The following ABCC4 variants were observed in gnomAD, a reference collection of about 807,000 sequenced individuals.
ABCC4 encodes the protein ATP-binding cassette sub-family C member 4.
A neutral mutation model predicts 168.5 loss-of-function variants in ABCC4; 102 were observed. That is an observed-to-expected ratio of 0.61 (90% CI 0.52 to 0.71). The LOEUF (loss-of-function observed/expected upper bound fraction) is 0.71, where lower values mean the gene tolerates loss of function less well. Ranked by LOEUF, ABCC4 falls within the 30% of genes least tolerant of loss-of-function variation. ABCC4 has a pLI of 0.00. For synonymous variants in ABCC4, 617 were observed against 590.7 expected (o/e 1.04, Z -0.65); for missense variants, 1,402 against 1,605.8 (o/e 0.87, Z 2.17).
intron 29 of ABCC4, among the ~76,000 whole-genome samples, chr13:95,042,227 TC>T: frequency 6.6e-6 from 1 of 152,262 alleles, no homozygotes; most frequent in South Asian, 2.1e-4. Flanking sequence ...GATAGTCAGG[TC>T]CCAAACAGAG....
chr13:95,077,359 G>A (rs2033941772), intron 21 of ABCC4, among the ~76,000 whole-genome samples: 1 of 151,990 alleles, frequency 6.6e-6, no homozygotes, highest in Admixed American at 6.6e-5. Flanking sequence ...TTTTTTCTGA[G>A]ACAGGGTCTC....
chr13:95,228,902 A>C (rs2039543145), intron 4 of ABCC4, among the ~76,000 whole-genome samples: 1 of 152,064 alleles, frequency 6.6e-6, no homozygotes, highest in East Asian at 1.9e-4. Flanking sequence ...TCTTTAAAGA[A>C]AAAAAAAGGA....
chr13:95,157,601 T>G (rs142521884), intron 19 of ABCC4, among the ~76,000 whole-genome samples: 5 of 152,232 alleles, frequency 3.3e-5, no homozygotes, highest in Admixed American at 2.0e-4. Context: ...GGCAGCACAC[T>G]GGTTTGGCTC....
At chr13:95,279,794 G>A (rs2041066127) in intron 1 of ABCC4, among the ~76,000 whole-genome samples, 2 of 152,142 alleles carry the variant, frequency 1.3e-5, no homozygotes, top group Non-Finnish European at 2.9e-5. Context: ...GGCAGAAAGG[G>A]GATGGGGAAG....
intron 20 of ABCC4, among the ~76,000 whole-genome samples, chr13:95,101,308 T>C (rs2034797209): frequency 6.6e-6 from 1 of 151,972 alleles, no homozygotes; most frequent in Admixed American, 6.6e-5. Context: ...TTGTGTTCCA[T>C]GAAAGGATAT....
intron 9 of ABCC4, 106 bp from the exon 10 acceptor site, chr13:95,188,648 CA>C (rs1328659284): frequency 6.0e-6 from 5 of 840,096 alleles, no homozygotes; most frequent in Non-Finnish European, 9.3e-6. Flanking sequence ...GAACATAACC[CA>C]AATCTTTCTC....
At chr13:95,135,274 T>C (rs963336389) in intron 19 of ABCC4, among the ~76,000 whole-genome samples, 1 of 152,206 alleles carries the variant, frequency 6.6e-6, no homozygotes, top group Non-Finnish European at 1.5e-5. Flanking sequence ...TAAAAGTGAA[T>C]AATGATATCA....
intron 21 of ABCC4, among the ~76,000 whole-genome samples, chr13:95,079,227 C>T (rs2034009286): frequency 6.6e-6 from 1 of 152,272 alleles, no homozygotes; most frequent in East Asian, 1.9e-4. Flanking sequence ...TTCCAGCTGA[C>T]ACAACCTGCC....
intron 9 of ABCC4, among the ~76,000 whole-genome samples, chr13:95,190,231 C>G (rs1475512091): frequency 2.6e-5 from 4 of 152,010 alleles, no homozygotes; most frequent in African/African-American, 7.2e-5. Context: ...CCCAGCTACT[C>G]AGGAGGATGA....
intron 1 of ABCC4, among the ~76,000 whole-genome samples, chr13:95,278,900 A>G (rs2041042440): frequency 6.6e-6 from 1 of 151,758 alleles, no homozygotes; most frequent in South Asian, 2.1e-4. Flanking sequence ...TTCATATGAA[A>G]CCAAGGTATT....
rs116671521 is a variant in ABCC4, at chr13:95,165,531, T to C, written c.2034+627A>G. 3.1e-3 allele frequency among the ~76,000 whole-genome samples: 475 copies of C among 152,302 alleles called. 3 individuals carry two copies. Among genetic ancestry groups the C allele is most frequent in the African/African-American group, 0.011 (453 of 41,550 alleles). On this transcript the variant is annotated intron_variant, in intron 15 of 30. Transcript: ENST00000645237. ...GAGATTCACATACTCTGAAGATGTA[T>C]TGAGCAGCTCTATGCTGGCCACTGG...
intron 20 of ABCC4, 60 bp from the exon 21 acceptor site, chr13:95,083,350 G>T (rs1189437): frequency 0.94 from 1,496,385 of 1,587,350 alleles, 707,066 homozygotes; most frequent in Non-Finnish European, 0.96. Context: ...AAAAATACTT[G>T]CATGAGTTGT....
intron 21 of ABCC4, among the ~76,000 whole-genome samples, chr13:95,081,689 T>C (rs556189837): frequency 2.6e-5 from 4 of 152,264 alleles, no homozygotes; most frequent in African/African-American, 9.6e-5. Context: ...TGCAGACACT[T>C]AGGATAAATG....
At chr13:95,083,041 G>T (rs1345513207) in intron 21 of ABCC4, 99 bp downstream of exon 21, 1 of 1,345,384 alleles carries the variant, frequency 7.4e-7, no homozygotes, top group Non-Finnish European at 1.0e-6. Flanking sequence ...GAGAAATTCT[G>T]GAAGACAGAG....
At chr13:95,172,224 A>G (rs532810431) in intron 13 of ABCC4, among the ~76,000 whole-genome samples, 1 of 152,350 alleles carries the variant, frequency 6.6e-6, no homozygotes, top group East Asian at 1.9e-4. Context: ...GTCATGCCAT[A>G]AAACAAACAA....
intron 14 of ABCC4, among the ~76,000 whole-genome samples, chr13:95,167,875 T>TTG (rs567338227): frequency 2.7e-4 from 41 of 151,910 alleles, no homozygotes; most frequent in African/African-American, 9.2e-4. Context: ...GAAAAATGGT[T>TTG]TGTGTGTGTG....
chr13:95,164,586 C>T (rs2037211351), intron 15 of ABCC4, 68 bp from the exon 16 acceptor site: 1 of 1,549,286 alleles, frequency 6.5e-7, no homozygotes, highest in Admixed American at 1.7e-5. Flanking sequence ...TGACAATGCA[C>T]TCTGTTGACA....
intron 1 of ABCC4, among the ~76,000 whole-genome samples, chr13:95,285,894 A>G (rs889802331): frequency 3.9e-5 from 6 of 152,126 alleles, no homozygotes; most frequent in African/African-American, 1.4e-4. Flanking sequence ...CAGTGTATTG[A>G]CTGGGTTGGA....
intron 20 of ABCC4, among the ~76,000 whole-genome samples, chr13:95,101,512 T>G (rs2034805860): frequency 6.6e-6 from 1 of 152,166 alleles, no homozygotes; most frequent in Non-Finnish European, 1.5e-5. Flanking sequence ...AATGCCTAAA[T>G]CCAACCTCTG....
Sources: allele counts gnomAD v4.1 joint callset (sites outside exome capture counted in the v4.1 genomes callset), GRCh38; gene constraint gnomAD v4.1.1; transcripts MANE v1.5; gene names NCBI Gene and HGNC (gene_info 2026-07-23, HGNC 2026-07-21).